The following SYNJ2 variants were observed in gnomAD, a reference collection of about 807,000 sequenced individuals.
The protein encoded by SYNJ2 is synaptojanin 2.
Under a neutral mutation model 141.3 loss-of-function variants are expected in SYNJ2, and 116 were observed. That is an observed-to-expected ratio of 0.82 (90% CI 0.71 to 0.96). SYNJ2 has a LOEUF of 0.96. Among genes scored for constraint, SYNJ2 ranks in the 40% least tolerant of loss-of-function variants. The probability of loss-of-function intolerance (pLI) is 0.00; values close to 1 mark genes in which losing one functional copy is unlikely to be tolerated. For missense variants in SYNJ2, 1,873 were observed against 1,934.8 expected (o/e 0.97, Z 0.60); for synonymous variants, 745 against 777.7 (o/e 0.96, Z 0.70).
rs1783879551 is a variant in SYNJ2, at chr6:158,098,021, G to A, written c.*1657G>A. The stretch of plus-strand genomic sequence containing the variant: ...AACAGAATGGTCCTTAACAGAGTTT[G>A]GGGGAGAGAGCAAGATGGGTTCCTT... On this transcript the variant is annotated 3_prime_UTR_variant, in exon 27 of 27. Coordinates refer to ENST00000355585, the MANE Select transcript of SYNJ2 (RefSeq NM_003898.4). The A allele has an allele frequency of 6.6e-6, 1 of 152,156 alleles. No individual in the cohort carries two copies. Among genetic ancestry groups the A allele is most frequent in the Non-Finnish European group, 1.5e-5 (1 of 68,020 alleles). The allele number at this position is 152,156 out of a possible 1,614,324, so 9.4% of individuals were successfully genotyped here. A position where few individuals can be genotyped will look rare whatever the true frequency, so the allele number is the denominator to read the frequency against.
At chr6:157,997,323 A>G (rs1777670342) in intron 1 of SYNJ2, among the ~76,000 whole-genome samples, 1 of 152,186 alleles carries the variant, frequency 6.6e-6, no homozygotes, top group South Asian at 2.1e-4. Flanking sequence ...TGAAGATGTA[A>G]GTTAAGATGG....
At chr6:158,011,248 A>G (rs996316888) in intron 1 of SYNJ2, among the ~76,000 whole-genome samples, 59 of 152,242 alleles carry the variant, frequency 3.9e-4, no homozygotes, top group African/African-American at 1.4e-3. Flanking sequence ...CAAACACAAG[A>G]CACAGGGCCA....
intron 1 of SYNJ2, among the ~76,000 whole-genome samples, chr6:157,994,460 A>C (rs964432350): frequency 6.6e-6 from 1 of 152,176 alleles, no homozygotes; most frequent in East Asian, 1.9e-4. Flanking sequence ...ATCTTTGAAA[A>C]CTAAGGCTGG....
intron 14 of SYNJ2, 90 bp downstream of exon 14, chr6:158,069,763 C>T: frequency 2.1e-6 from 3 of 1,416,426 alleles, no homozygotes; most frequent in Non-Finnish European, 2.8e-6. Flanking sequence ...TCCCCCATCC[C>T]CTTCTGTAAC....
rs1426711326 is a variant in SYNJ2 at position 158,083,270 on chromosome 6, A to G, written c.2866-159A>G. ...TTTTTCAACCAGATGTATGAGAGCT[A>G]TGCTGAGCCTGCGTGAGGTCTGGAC... On this transcript the variant is annotated intron_variant, in intron 20 of 26. Transcript: ENST00000355585. 2.6e-5 allele frequency among the ~76,000 whole-genome samples: 4 copies of G among 152,184 alleles called. No individual in the cohort carries two copies. In the East Asian group the frequency reaches 7.7e-4, roughly 29 times the overall value.
intron 4 of SYNJ2, among the ~76,000 whole-genome samples, chr6:158,038,702 G>A (rs971156874): frequency 6.6e-6 from 1 of 152,240 alleles, no homozygotes; most frequent in African/African-American, 2.4e-5. Flanking sequence ...GGCATGGGGG[G>A]CAGTGGTGGT....
chr6:158,050,050 A>C (rs573156542), intron 5 of SYNJ2, among the ~76,000 whole-genome samples: 1 of 152,228 alleles, frequency 6.6e-6, no homozygotes. Context: ...GCAGGTGTGC[A>C]TGCAGCTCTA....
Position 157,982,404 on chromosome 6 carries a change from A to T in SYNJ2, c.127+316A>T, listed in dbSNP as rs1777048829. Among the ~76,000 whole-genome samples, 1 of 152,024 alleles carries T rather than the reference A, an allele frequency of 6.6e-6. No individual in the cohort carries two copies. Among genetic ancestry groups the T allele is most frequent in the African/African-American group, 2.4e-5 (1 of 41,378 alleles). On this transcript the variant is annotated intron_variant, in intron 1 of 26. Coordinates refer to ENST00000355585, the MANE Select transcript of SYNJ2 (RefSeq NM_003898.4). This position sits in a 1 kb window ranked among gnomAD's most constrained non-coding sequence, Gnocchi z 4.0. ...TATTCATGAGGATCCCGGGGTGTTG[A>T]CTTAGCCGGCCTGACCCTGTGCCTG...
intron 2 of SYNJ2, 105 bp downstream of exon 2, chr6:158,017,395 T>A: frequency 3.1e-5 from 31 of 988,462 alleles, no homozygotes; most frequent in Non-Finnish European, 3.9e-5. Context: ...ACCGCTCTTC[T>A]CTCTCTCTTC....
At chr6:158,001,448 G>A (rs570076092) in intron 1 of SYNJ2, 1 of 145,896 alleles carries the variant, frequency 6.9e-6, no homozygotes, top group South Asian at 2.2e-4. Context: ...CCAGGCTGGA[G>A]TGCAATGGCA....
At chr6:158,019,082 A>G (rs1167888192) in intron 2 of SYNJ2, among the ~76,000 whole-genome samples, 1 of 152,228 alleles carries the variant, frequency 6.6e-6, no homozygotes, top group African/African-American at 2.4e-5. Flanking sequence ...CGTTCCATCC[A>G]TGCTGATGCC....
intron 1 of SYNJ2, among the ~76,000 whole-genome samples, chr6:158,003,708 T>C (rs1181353908): frequency 6.6e-6 from 1 of 152,222 alleles, no homozygotes; most frequent in Non-Finnish European, 1.5e-5. Flanking sequence ...GCTTGGTTAC[T>C]GAGCTGGACT....
chr6:158,087,050 G>C (rs1030636569), intron 23 of SYNJ2, 61 bp downstream of exon 23: 119 of 1,556,604 alleles, frequency 7.6e-5, no homozygotes, highest in Non-Finnish European at 9.7e-5. Context: ...CGCGTTCCCT[G>C]CTACTGAAAA....
chr6:158,046,450 GC>G (rs1780242235), intron 5 of SYNJ2, among the ~76,000 whole-genome samples: 1 of 152,178 alleles, frequency 6.6e-6, no homozygotes, highest in Non-Finnish European at 1.5e-5. Flanking sequence ...TCACTATCAA[GC>G]CTAAGGCTGC....
chr6:158,060,489 G>A (rs190377416), intron 7 of SYNJ2, among the ~76,000 whole-genome samples: 57 of 152,326 alleles, frequency 3.7e-4, no homozygotes, highest in Non-Finnish European at 6.8e-4. Flanking sequence ...GAGAGAGCTC[G>A]AAGTCGCCTC....
intron 26 of SYNJ2, among the ~76,000 whole-genome samples, chr6:158,095,008 G>A (rs1352267255): frequency 1.3e-5 from 2 of 152,160 alleles, no homozygotes; most frequent in African/African-American, 2.4e-5. Context: ...AATTAGCCAG[G>A]CATGGTGGCA....
chr6:158,077,155 C>T lies in SYNJ2; in HGVS notation c.2449+373C>T, dbSNP rs187460684. Among the ~76,000 whole-genome samples the T allele has an allele frequency of 2.4e-3, 364 of 152,156 alleles. 2 individuals carry two copies. Among genetic ancestry groups the T allele is most frequent in the African/African-American group, 8.4e-3 (348 of 41,526 alleles). On this transcript the variant is annotated intron_variant, in intron 17 of 26. Transcript: ENST00000355585. Reference sequence around the variant, plus strand: ...GATTACAGGCATGCACCACCATGCCCAGCTAATTTTGTATTTTTAGTAGAG... The same window carrying T: ...GATTACAGGCATGCACCACCATGCCTAGCTAATTTTGTATTTTTAGTAGAG...
chr6:158,033,897 T>G (rs547120605), intron 4 of SYNJ2, among the ~76,000 whole-genome samples: 1 of 152,226 alleles, frequency 6.6e-6, no homozygotes, highest in Non-Finnish European at 1.5e-5. Flanking sequence ...TCACATCTCA[T>G]GCAGGGAAAA....
At position 158,066,685 on chromosome 6, in the gene SYNJ2, A is replaced by G. The variant is rs546924553; in HGVS notation, c.1717+50A>G. On this transcript the variant is annotated intron_variant, in intron 12 of 26. Coordinates refer to ENST00000355585, the MANE Select transcript of SYNJ2 (RefSeq NM_003898.4). ...ACAAAATCCAATTGCACCTAACCTG[A>G]CATGTCACGCTTGACCCTTTAGTGG... The G allele has an allele frequency of 4.4e-6, 7 of 1,592,504 alleles. No individual in the cohort carries two copies. The East Asian group carries it at 1.6e-4, about 36-fold the overall frequency.
Sources: allele counts gnomAD v4.1 joint callset (sites outside exome capture counted in the v4.1 genomes callset), GRCh38; gene constraint gnomAD v4.1.1; non-coding constraint Gnocchi (gnomAD v3.1); transcripts MANE v1.5; gene names NCBI Gene and HGNC (gene_info 2026-07-23, HGNC 2026-07-21).